Variants in TFDP2 observed in about 807,000 individuals in gnomAD.
TFDP2 encodes transcription factor Dp-2 (E2F dimerization partner 2).
A neutral mutation model predicts 59.3 loss-of-function variants in TFDP2; 17 were observed. The ratio of observed to expected loss-of-function variants is 0.29; its 90% CI spans 0.20 to 0.43. The LOEUF (loss-of-function observed/expected upper bound fraction) is 0.43. Ranked by LOEUF, TFDP2 falls within the 20% of genes least tolerant of loss-of-function variation. The pLI, the probability that TFDP2 is intolerant of heterozygous loss-of-function variation, is 1.00. For synonymous variants in TFDP2, 180 were observed against 194.7 expected (o/e 0.92, Z 0.63); for missense variants, 391 against 528.8 (o/e 0.74, Z 2.56).
At chr3:142,061,908 A>T (rs1472691073) in intron 3 of TFDP2, among the ~76,000 whole-genome samples, 6 of 140,156 alleles carry the variant, frequency 4.3e-5, no homozygotes, top group Non-Finnish European at 6.1e-5. Flanking sequence ...ACACACACAC[A>T]CACACACACA....
intron 7 of TFDP2, among the ~76,000 whole-genome samples, chr3:141,974,521 A>T (rs947950380): frequency 7.2e-5 from 11 of 152,182 alleles, no homozygotes; most frequent in African/African-American, 2.7e-4. Flanking sequence ...TTAGGTATGT[A>T]GGATAGAATG....
intron 11 of TFDP2, among the ~76,000 whole-genome samples, chr3:141,958,645 C>A (rs1439782982): frequency 6.6e-6 from 1 of 152,102 alleles, no homozygotes; most frequent in Non-Finnish European, 1.5e-5. Flanking sequence ...TGTACTGTGA[C>A]CCTTCAGAGT....
intron 3 of TFDP2, among the ~76,000 whole-genome samples, chr3:142,084,200 T>C (rs1163580070): frequency 6.6e-6 from 1 of 152,030 alleles, no homozygotes; most frequent in Non-Finnish European, 1.5e-5. Flanking sequence ...ATAAGACATA[T>C]AAATGGCAAA....
intron 1 of TFDP2, among the ~76,000 whole-genome samples, chr3:142,111,212 TGAG>T (rs1373039937): frequency 6.6e-6 from 1 of 152,042 alleles, no homozygotes; most frequent in African/African-American, 2.4e-5. Flanking sequence ...GTGGATTACC[TGAG>T]GTCAGGAGTT....
At chr3:142,113,164 T>A (rs941912231) in intron 1 of TFDP2, among the ~76,000 whole-genome samples, 7 of 152,238 alleles carry the variant, frequency 4.6e-5, no homozygotes, top group Non-Finnish European at 1.0e-4. Context: ...AAAGTCTCAT[T>A]TCCAGTTTAA....
intron 3 of TFDP2, among the ~76,000 whole-genome samples, chr3:142,042,917 T>G (rs1033860101): frequency 6.6e-6 from 1 of 151,574 alleles, no homozygotes; most frequent in African/African-American, 2.4e-5. Context: ...TTTTTTTGTA[T>G]TTTTAGTAGA....
Position 142,058,060 on chromosome 3 carries a change from G to A in TFDP2, c.82+35001C>T, listed in dbSNP as rs371425978. 5.9e-5 allele frequency among the ~76,000 whole-genome samples: 9 copies of A among 152,264 alleles called. No homozygotes were observed. The South Asian group carries it at 1.5e-3, about 25-fold the overall frequency. ...TTCCACACTCAAATTTCACAGAAAC[G>A]GAGATAAGGATATTGCCTTAAAGTG... On this transcript the variant is annotated intron_variant, in intron 3 of 12. Transcript: ENST00000489671.
In TFDP2 at chr3:142,147,058, CA is replaced by C. The variant is rs3070389; in HGVS notation, c.-93+2124del. Among the ~76,000 whole-genome samples, 388 of 105,080 alleles carry C rather than the reference CA, an allele frequency of 3.7e-3. 2 individuals carry two copies. The highest frequency in any genetic ancestry group is 9.5e-3 in the Middle Eastern group (2 of 210). 68.9% of individuals were successfully genotyped at this position (105,080 alleles called of 152,430 possible). A position where few individuals can be genotyped will look rare whatever the true frequency, so the allele number is the denominator to read the frequency against. Reference sequence around the variant, plus strand: ...TGAGCAACATAGAGAAACCCTGTCTCAAAAAAAAAAAAAAAAAGAATTGATC... The same window carrying C: ...TGAGCAACATAGAGAAACCCTGTCTCAAAAAAAAAAAAAAAAGAATTGATC... On this transcript the variant is annotated intron_variant, in intron 1 of 12. Transcript: ENST00000489671.
chr3:141,969,191 G>T lies in TFDP2; in HGVS notation c.732+882C>A, dbSNP rs1254456956. On this transcript the variant is annotated intron_variant, in intron 9 of 12. Coordinates refer to ENST00000489671, the MANE Select transcript of TFDP2 (RefSeq NM_001178139.2). ...ATATATATATATCTCATATATATGA[G>T]ATATATATATATAACATATATATAT... Among the ~76,000 whole-genome samples the T allele has an allele frequency of 1.3e-4, 10 of 74,648 alleles. No homozygotes were observed. In the Admixed American group the frequency reaches 1.6e-3, roughly 12 times the overall value. 49.0% of individuals were successfully genotyped at this position (74,648 alleles called of 152,430 possible). A position where few individuals can be genotyped will look rare whatever the true frequency, so the allele number is the denominator to read the frequency against.
intron 9 of TFDP2, among the ~76,000 whole-genome samples, chr3:141,969,221 C>G (rs1159930090): frequency 2.1e-5 from 2 of 97,378 alleles, no homozygotes; most frequent in South Asian, 5.7e-4. Context: ...ATATATATCT[C>G]ATATATATGA....
At chr3:141,956,369 T>C (rs1043475364) in intron 11 of TFDP2, among the ~76,000 whole-genome samples, 2 of 152,056 alleles carry the variant, frequency 1.3e-5, no homozygotes, top group East Asian at 3.9e-4. Flanking sequence ...CTGGCCAACG[T>C]GGTGAAACCC....
At chr3:141,960,197 A>G (rs1937187593) in intron 10 of TFDP2, among the ~76,000 whole-genome samples, 1 of 152,170 alleles carries the variant, frequency 6.6e-6, no homozygotes, top group African/African-American at 2.4e-5. Context: ...CGATATCCCT[A>G]TTCCGAGTTG....
chr3:141,994,004 C>T (rs1039048285), intron 5 of TFDP2, among the ~76,000 whole-genome samples: 1 of 152,226 alleles, frequency 6.6e-6, no homozygotes, highest in African/African-American at 2.4e-5. Flanking sequence ...ACGTTATAAT[C>T]TTTCAAGGCT....
intron 3 of TFDP2, among the ~76,000 whole-genome samples, chr3:142,088,392 G>A (rs1025553174): frequency 4.0e-5 from 6 of 150,548 alleles, no homozygotes; most frequent in Admixed American, 1.3e-4. Flanking sequence ...GTGCGGTGGC[G>A]TGATCTTGAC....
intron 3 of TFDP2, among the ~76,000 whole-genome samples, chr3:142,037,692 G>A (rs1946752442): frequency 6.6e-6 from 1 of 152,188 alleles, no homozygotes; most frequent in African/African-American, 2.4e-5. Context: ...AGGGAATCCA[G>A]TCCTTACTTT....
intron 3 of TFDP2, among the ~76,000 whole-genome samples, chr3:142,030,618 T>C (rs1021215869): frequency 7.2e-5 from 11 of 152,158 alleles, no homozygotes; most frequent in Non-Finnish European, 1.5e-4. Context: ...CAGCTAGAAG[T>C]GCTCACCTGT....
intron 1 of TFDP2, among the ~76,000 whole-genome samples, chr3:142,148,561 G>GTCT (rs2063259445): frequency 1.3e-5 from 2 of 152,286 alleles, no homozygotes; most frequent in African/African-American, 4.8e-5. Flanking sequence ...TCACACAATG[G>GTCT]GAGATAGCAC....
chr3:142,113,662 T>C (rs970600714), intron 1 of TFDP2, among the ~76,000 whole-genome samples: 34 of 152,278 alleles, frequency 2.2e-4, no homozygotes, highest in African/African-American at 7.2e-4. Flanking sequence ...GTCATTAAAA[T>C]GTGATTACTG....
intron 3 of TFDP2, among the ~76,000 whole-genome samples, chr3:142,090,397 G>A (rs2060960527): frequency 6.6e-6 from 1 of 152,108 alleles, no homozygotes; most frequent in African/African-American, 2.4e-5. Context: ...GTTTTACTCT[G>A]TAACTAAACT....
Sources: gnomAD v4.1 joint callset for allele counts (sites outside exome capture counted in the v4.1 genomes callset) on GRCh38, gnomAD v4.1.1 for gene constraint, MANE v1.5 for transcripts, NCBI Gene and HGNC (gene_info 2026-07-23, HGNC 2026-07-21) for gene names.